CYLC2: variants seen among roughly 807,000 people sequenced by gnomAD.
CYLC2 encodes the protein cylicin-2.
Under a neutral mutation model 26.1 loss-of-function variants are expected in CYLC2, and 30 were observed. The observed-to-expected ratio is 1.15, with a 90% confidence interval of 0.86 to 1.56. The LOEUF (loss-of-function observed/expected upper bound fraction) is 1.56, where lower values mean the gene tolerates loss of function less well. Among genes scored for constraint, CYLC2 ranks in the 40% most tolerant of loss-of-function variants. The pLI is 0.00. For missense variants in CYLC2, 498 were observed against 394.4 expected (o/e 1.26, Z -2.23); for synonymous variants, 158 against 132.8 (o/e 1.19, Z -1.31).
intron 1 of CYLC2, 44 bp downstream of exon 1, chr9:102,995,441 G>A: frequency 7.0e-7 from 1 of 1,428,050 alleles, no homozygotes; most frequent in South Asian, 1.1e-5. Flanking sequence ...ATACTCGTTA[G>A]CTTTACATTT....
At position 103,013,186 on chromosome 9, in the gene CYLC2, TTATA is replaced by T. The variant is rs1439266619; in HGVS notation, c.*816+1094_*816+1097del. 2.3e-5 allele frequency among the ~76,000 whole-genome samples: 3 copies of T among 131,704 alleles called. No individual in the cohort carries two copies. The South Asian group carries it at 6.7e-4, about 29-fold the overall frequency. 86.4% of individuals were successfully genotyped at this position (131,704 alleles called of 152,430 possible). ...ATTATATAAATATATATTTAATATA[TTATA>T]TATAACATATTAATGTTATATATTA... is the stretch of plus-strand genomic sequence containing the variant. On this transcript the variant is annotated intron_variant, in intron 6 of 7. Coordinates refer to ENST00000374798, the MANE Select transcript of CYLC2 (RefSeq NM_001340.5).
At chr9:103,004,278 A>G (rs1829316540) in intron 3 of CYLC2, among the ~76,000 whole-genome samples, 1 of 152,108 alleles carries the variant, frequency 6.6e-6, no homozygotes, top group Admixed American at 6.5e-5. Context: ...GAAAATGAAA[A>G]TAGACTAAGA....
intron 5 of CYLC2, among the ~76,000 whole-genome samples, chr9:103,011,075 C>T (rs941798770): frequency 3.3e-5 from 5 of 152,122 alleles, no homozygotes; most frequent in African/African-American, 4.8e-5. Context: ...CTAATGTTCT[C>T]TAACCCCTCC....
Position 103,005,129 on chromosome 9 carries a change from G to A in CYLC2, c.498G>A (p.Lys166=). ...DAKKDSKKGK[K]DAEKGKDSAT... is the part of the protein sequence containing the mutation. Reference sequence around the variant, plus strand: ...AGAAAGATAGCAAAAAAGGTAAAAAGGATGCAGAGAAGGGCAAAGACTCAG... The same window carrying A: ...AGAAAGATAGCAAAAAAGGTAAAAAAGATGCAGAGAAGGGCAAAGACTCAG... The change falls in exon 5 of 8, where the codon AAG becomes AAA. Residue 166 remains lysine, a synonymous_variant. Coordinates refer to ENST00000374798, the MANE Select transcript of CYLC2 (RefSeq NM_001340.5). The A allele has an allele frequency of 6.2e-7, 1 of 1,608,314 alleles. No homozygotes were observed. Among genetic ancestry groups the A allele is most frequent in the Non-Finnish European group, 8.5e-7 (1 of 1,177,978 alleles).
At position 102,995,374 on chromosome 9, in the gene CYLC2, G is replaced by A. The variant is rs1564095320; in HGVS notation, c.-7G>A. 1 of 1,603,890 alleles carries A rather than the reference G, an allele frequency of 6.2e-7. No individual in the cohort carries two copies. ...ACTTAAGTCCTGGCAAGTCATAAGT[G>A]GGGAAAATGTCTCTCCCAAGATTGT... is the stretch of plus-strand genomic sequence containing the variant. On this transcript the variant is annotated 5_prime_UTR_variant, in exon 1 of 8. Transcript: ENST00000374798.
At chr9:103,017,873 C>T (rs1334422043) in intron 7 of CYLC2, among the ~76,000 whole-genome samples, 1 of 151,990 alleles carries the variant, frequency 6.6e-6, no homozygotes, top group African/African-American at 2.4e-5. Context: ...CCTTTGTCTT[C>T]ACATGGTCTT....
intron 5 of CYLC2, 39 bp from the exon 6 acceptor site, chr9:103,011,943 T>TTC (rs1436367768): frequency 7.3e-6 from 1 of 137,134 alleles, no homozygotes; most frequent in Non-Finnish European, 1.5e-5. Context: ...ACTTAGATCA[T>TTC]TCTCTTTTTT....
At position 103,001,681 on chromosome 9, in the gene CYLC2, C is replaced by G. The variant is rs1174923373; in HGVS notation, c.58+63C>G. The G allele has an allele frequency of 5.7e-5, 59 of 1,038,558 alleles. 1 individual carries two copies. In the Admixed American group the frequency reaches 1.3e-3, roughly 23 times the overall value. 64.3% of individuals were successfully genotyped at this position (1,038,558 alleles called of 1,614,324 possible). A position where few individuals can be genotyped will look rare whatever the true frequency, so the allele number is the denominator to read the frequency against. On this transcript the variant is annotated intron_variant, in intron 2 of 7. Transcript: ENST00000374798. Reference sequence around the variant, plus strand: ...GCTTAATTTTATGGTAAGTATTATCCTCTATTCAAAGTGATAAAGCAAACA... The same window carrying G: ...GCTTAATTTTATGGTAAGTATTATCGTCTATTCAAAGTGATAAAGCAAACA...
At chr9:102,996,055 G>A (rs1172992771) in intron 1 of CYLC2, among the ~76,000 whole-genome samples, 1 of 151,808 alleles carries the variant, frequency 6.6e-6, no homozygotes. Context: ...ATGCAACAAA[G>A]GTGAAGGAAT....
chr9:103,013,111 T>C (rs1307619705), intron 6 of CYLC2, among the ~76,000 whole-genome samples: 2 of 136,542 alleles, frequency 1.5e-5, no homozygotes, highest in Non-Finnish European at 3.1e-5. Context: ...ATATATATCA[T>C]AAATAATATA....
In CYLC2 at chr9:103,005,311, G is replaced by T. The variant is rs536592921; in HGVS notation, c.680G>T (p.Gly227Val). 6.2e-7 allele frequency: 1 copy of T among 1,613,688 alleles called. No homozygotes were observed. The highest frequency in any genetic ancestry group is 1.1e-5 in the South Asian group (1 of 91,066). The change falls in exon 5 of 8, where the codon GGC becomes GTC. Residue 227 changes from glycine (G) to valine (V), a missense_variant. Coordinates refer to ENST00000374798, the MANE Select transcript of CYLC2 (RefSeq NM_001340.5). ...SKKGKKDSKK[G>V]KDSAIELQAV... ...AAAGGTAAAAAGGATTCAAAGAAGG[G>T]CAAGGATTCAGCCATAGAATTACAA... is the stretch of plus-strand genomic sequence containing the variant.
rs186394636 is a variant in CYLC2, at chr9:103,008,311, A to T, written c.*700+1933A>T. On this transcript the variant is annotated intron_variant, in intron 5 of 7. Transcript: ENST00000374798. ...TTTTCTTGTAGTTAAATTTAATAGC[A>T]GTGTCCTTTTATTCCAGTACCTCTT... Among the ~76,000 whole-genome samples, 12 of 152,214 alleles carry T rather than the reference A, an allele frequency of 7.9e-5. No homozygotes were observed. In the East Asian group the frequency reaches 2.3e-3, roughly 29 times the overall value.
chr9:103,010,039 TTAAAA>T (rs1829391388), intron 5 of CYLC2, among the ~76,000 whole-genome samples: 1 of 151,670 alleles, frequency 6.6e-6, no homozygotes, highest in Non-Finnish European at 1.5e-5. Flanking sequence ...AATAGAAAAT[TTAAAA>T]TAACCCATAT....
chr9:103,000,751 T>G (rs1005460363), intron 1 of CYLC2, among the ~76,000 whole-genome samples: 1 of 152,038 alleles, frequency 6.6e-6, no homozygotes, highest in Non-Finnish European at 1.5e-5. Context: ...TGTGTGTTTG[T>G]GTATGAGCAC....
Position 103,018,461 on chromosome 9 carries a change from T to C in CYLC2, c.*1027T>C, listed in dbSNP as rs1447296219. 2 of 152,038 alleles carry C rather than the reference T, an allele frequency of 1.3e-5. No homozygotes were observed. The highest frequency in any genetic ancestry group is 4.8e-5 in the African/African-American group (2 of 41,424). 9.4% of individuals were successfully genotyped at this position (152,038 alleles called of 1,614,324 possible). A position where few individuals can be genotyped will look rare whatever the true frequency, so the allele number is the denominator to read the frequency against. On this transcript the variant is annotated 3_prime_UTR_variant, in exon 8 of 8. Coordinates refer to ENST00000374798, the MANE Select transcript of CYLC2 (RefSeq NM_001340.5). ...GAACACATTAAACACCTGGTGAAAT[T>C]ATCAATTAAAAACATCTAGTCACCA...
At chr9:103,003,120 T>G in intron 2 of CYLC2, 22 bp from the exon 3 acceptor site, 1 of 1,612,210 alleles carries the variant, frequency 6.2e-7, no homozygotes, top group Non-Finnish European at 8.5e-7. Context: ...CCAAAATGTG[T>G]TTTTTGTCTC....
chr9:103,000,097 T>A (rs1829273225), intron 1 of CYLC2, among the ~76,000 whole-genome samples: 1 of 151,814 alleles, frequency 6.6e-6, no homozygotes, highest in Non-Finnish European at 1.5e-5. Flanking sequence ...AAACTGTAAG[T>A]TATTCTCTAT....
intron 2 of CYLC2, among the ~76,000 whole-genome samples, chr9:103,002,354 C>A (rs1312417160): frequency 2.4e-5 from 3 of 126,528 alleles, no homozygotes; most frequent in Non-Finnish European, 4.7e-5. Context: ...TAGCATTTGC[C>A]CCCTTTTTTT....
chr9:103,015,440 C>G (rs1318544145), intron 6 of CYLC2, among the ~76,000 whole-genome samples: 4 of 129,382 alleles, frequency 3.1e-5, no homozygotes, highest in Non-Finnish European at 4.8e-5. Flanking sequence ...ACTTATATAT[C>G]ATTAATATAT....
Sources: gnomAD v4.1 joint callset for allele counts (sites outside exome capture counted in the v4.1 genomes callset) on GRCh38, gnomAD v4.1.1 for gene constraint, MANE v1.5 for transcripts, NCBI Gene and HGNC (gene_info 2026-07-23, HGNC 2026-07-21) for gene names.